Variants in MREG observed in about 807,000 individuals in gnomAD.
MREG encodes dilute suppressor protein homolog.
MREG carries 31 observed loss-of-function variants against 28.5 expected under a neutral mutation model. The ratio of observed to expected loss-of-function variants is 1.09; its 90% CI spans 0.82 to 1.47. The LOEUF is 1.47. Ranked by LOEUF, MREG falls within the 40% of genes most tolerant of loss-of-function variation. MREG has a pLI of 0.00. For missense variants in MREG, 256 were observed against 257.4 expected (o/e 0.99, Z 0.04); for synonymous variants, 106 against 95.2 (o/e 1.11, Z -0.66).
chr2:215,939,529 C>T (rs1692171346), downstream of MREG: 1 of 152,128 alleles, frequency 6.6e-6, no homozygotes, highest in Non-Finnish European at 1.5e-5. Flanking sequence ...GCAGACACAA[C>T]AATATTCCAA....
intron 2 of MREG, among the ~76,000 whole-genome samples, chr2:215,957,621 G>A (rs1299875616): frequency 6.6e-6 from 1 of 152,162 alleles, no homozygotes; most frequent in African/African-American, 2.4e-5. Context: ...AGGGAGGGCT[G>A]TGAGACTCCC....
intron 1 of MREG, among the ~76,000 whole-genome samples, chr2:216,022,863 C>T (rs1395249649): frequency 6.6e-6 from 1 of 152,130 alleles, no homozygotes; most frequent in Non-Finnish European, 1.5e-5. Flanking sequence ...CAAGGTGACT[C>T]GAAGTTGCAA....
At chr2:215,946,181 C>T (rs1353368171) in intron 3 of MREG, among the ~76,000 whole-genome samples, 1 of 151,576 alleles carries the variant, frequency 6.6e-6, no homozygotes, top group East Asian at 1.9e-4. Context: ...AAATCACTCA[C>T]CCAAAAGTAT....
intron 2 of MREG, among the ~76,000 whole-genome samples, chr2:215,948,357 T>C (rs1692375832): frequency 6.6e-6 from 1 of 152,244 alleles, no homozygotes; most frequent in African/African-American, 2.4e-5. Context: ...TTTCTAGAAG[T>C]CAGGAAGTGG....
chr2:216,031,854 T>C (rs1653637197), intron 1 of MREG, among the ~76,000 whole-genome samples: 1 of 152,206 alleles, frequency 6.6e-6, no homozygotes, highest in African/African-American at 2.4e-5. Context: ...CAGCAAGTCT[T>C]ACCTACCTGA....
intron 1 of MREG, among the ~76,000 whole-genome samples, chr2:216,031,467 GAAAGAA>G (rs1694694325): frequency 1.7e-5 from 2 of 116,954 alleles, no homozygotes; most frequent in African/African-American, 6.7e-5. Context: ...GAGAAAGAAA[GAAAGAA>G]AGAGAAAGAA....
At chr2:216,000,529 C>A (rs1467424734) in intron 1 of MREG, among the ~76,000 whole-genome samples, 4 of 151,952 alleles carry the variant, frequency 2.6e-5, no homozygotes, top group African/African-American at 9.7e-5. Flanking sequence ...AGCAATGAAA[C>A]CCTGGTACTT....
At chr2:216,019,772 T>C (rs1272350938) in intron 1 of MREG, among the ~76,000 whole-genome samples, 1 of 152,136 alleles carries the variant, frequency 6.6e-6, no homozygotes, top group Non-Finnish European at 1.5e-5. Flanking sequence ...CCCAAAGTGC[T>C]GGGATTACAG....
At position 215,994,890 on chromosome 2, in the gene MREG, AAG is replaced by A. The variant is rs146188715; in HGVS notation, c.255+1414_255+1415del. 3.9e-3 allele frequency among the ~76,000 whole-genome samples: 583 copies of A among 151,240 alleles called. 4 individuals carry two copies. The Middle Eastern group carries it at 0.055, about 14-fold the overall frequency. On this transcript the variant is annotated intron_variant, in intron 2 of 4. Coordinates refer to ENST00000263268, the MANE Select transcript of MREG (RefSeq NM_018000.3). Reference sequence around the variant, plus strand: ...ATGGGGCCCTGGTGAGAGAGAGAGAAAGAGAGAGAGAGAGACACTATACATTA... The same window carrying A: ...ATGGGGCCCTGGTGAGAGAGAGAGAAAGAGAGAGAGAGACACTATACATTA...
intron 3 of MREG, among the ~76,000 whole-genome samples, chr2:215,946,262 CACA>C (rs1692315836): frequency 6.6e-6 from 1 of 151,168 alleles, no homozygotes; most frequent in Non-Finnish European, 1.5e-5. Context: ...GCTATTAGCT[CACA>C]ACAATACTAG....
chr2:216,018,929 A>C (rs948617300), intron 1 of MREG, among the ~76,000 whole-genome samples: 23 of 152,254 alleles, frequency 1.5e-4, no homozygotes, highest in Non-Finnish European at 2.5e-4. Context: ...ACATGTGACC[A>C]AGATGAGCCA....
intron 2 of MREG, among the ~76,000 whole-genome samples, chr2:215,962,076 A>G (rs1196222773): frequency 1.3e-5 from 2 of 152,206 alleles, no homozygotes; most frequent in East Asian, 1.9e-4. Context: ...TAGAGTTTTG[A>G]CCTAGAACAG....
At chr2:215,951,979 G>A (rs192148538) in intron 2 of MREG, among the ~76,000 whole-genome samples, 65 of 152,274 alleles carry the variant, frequency 4.3e-4, no homozygotes, top group Non-Finnish European at 7.4e-4. Context: ...CTACGGGTTT[G>A]ACTTTTTTAG....
At chr2:216,018,886 T>G (rs983844993) in intron 1 of MREG, among the ~76,000 whole-genome samples, 1 of 152,094 alleles carries the variant, frequency 6.6e-6, no homozygotes, top group Non-Finnish European at 1.5e-5. Context: ...CCCCTAACCC[T>G]CAACAGGAAA....
At chr2:215,972,373 T>C (rs1693122118) in intron 2 of MREG, among the ~76,000 whole-genome samples, 1 of 152,212 alleles carries the variant, frequency 6.6e-6, no homozygotes, top group Non-Finnish European at 1.5e-5. Context: ...CCAGGTGCAG[T>C]GGCTCACACC....
At chr2:216,008,357 T>G (rs1249803950) in intron 1 of MREG, among the ~76,000 whole-genome samples, 1 of 152,240 alleles carries the variant, frequency 6.6e-6, no homozygotes, top group Non-Finnish European at 1.5e-5. Flanking sequence ...ACTCTCTAAT[T>G]TCTATTAGCT....
chr2:215,954,299 C>G (rs1344265081), intron 2 of MREG, among the ~76,000 whole-genome samples: 1 of 152,162 alleles, frequency 6.6e-6, no homozygotes, highest in African/African-American at 2.4e-5. Flanking sequence ...TGATTAAAAA[C>G]TTTGAGCTAA....
chr2:216,033,095 C>G (rs539250737), upstream of MREG: 1 of 152,106 alleles, frequency 6.6e-6, no homozygotes, highest in East Asian at 1.9e-4. Context: ...CTAAACTTAC[C>G]CAAGATTGAG....
chr2:216,020,042 G>A (rs914797244), intron 1 of MREG, among the ~76,000 whole-genome samples: 1 of 151,976 alleles, frequency 6.6e-6, no homozygotes, highest in Non-Finnish European at 1.5e-5. Flanking sequence ...AAACACATAC[G>A]CTGGGCTGGA....
Sources: allele counts gnomAD v4.1 joint callset (sites outside exome capture counted in the v4.1 genomes callset), GRCh38; gene constraint gnomAD v4.1.1; transcripts MANE v1.5; gene names NCBI Gene and HGNC (gene_info 2026-07-23, HGNC 2026-07-21).